TTN: variants seen among roughly 807,000 people sequenced by gnomAD.
TTN encodes the protein titin.
Under a neutral mutation model 3,223.0 loss-of-function variants are expected in TTN, and 1,525 were observed. That is an observed-to-expected ratio of 0.47 (90% CI 0.45 to 0.49). TTN has a LOEUF of 0.49. Among genes scored for constraint, TTN ranks in the 20% least tolerant of loss-of-function variants. The probability of loss-of-function intolerance (pLI) is 0.00; values close to 1 mark genes in which losing one functional copy is unlikely to be tolerated. For synonymous variants in TTN, 14,094 were observed against 15,161.0 expected (o/e 0.93, Z 5.17); for missense variants, 40,786 against 43,424.0 (o/e 0.94, Z 5.40).
rs893428451 is a variant in TTN at position 178,570,942 on chromosome 2, T to C, written c.75190A>G (p.Thr25064Ala). The change falls in exon 326 of 363, where the codon ACT becomes GCT. Residue 25064 changes from threonine (T) to alanine (A), a missense_variant. Transcript: ENST00000589042. ...ACTAGGCCAGTTACTTCAAAATGAGTGTCAATAATATTTGTAAAACTGGCT... is the reference window on the plus strand; with the variant it reads ...ACTAGGCCAGTTACTTCAAAATGAGCGTCAATAATATTTGTAAAACTGGCT... ...MKASFTNIID[T>A]HFEVTGLVED... is the part of the protein sequence containing the mutation. The C allele has an allele frequency of 2.9e-5, 46 of 1,613,366 alleles. No individual in the cohort carries two copies. Among genetic ancestry groups the C allele is most frequent in the Non-Finnish European group, 3.8e-5 (45 of 1,179,614 alleles).
Position 178,747,303 on chromosome 2 carries a change from C to T in TTN, c.11312-5382G>A, listed in dbSNP as rs747590145. On this transcript the variant is annotated intron_variant, in intron 47 of 362. Coordinates refer to ENST00000589042, the MANE Select transcript of TTN (RefSeq NM_001267550.2). ...GTTGAATATCTTTCAGCAACTTCCC[C>T]TAAAGGTGTGGAATATCTTTCAACT... The T allele has an allele frequency of 4.3e-6, 7 of 1,613,174 alleles. No homozygotes were observed. The African/African-American group carries it at 6.7e-5, about 15-fold the overall frequency.
intron 240 of TTN, among the ~76,000 whole-genome samples, chr2:178,626,966 A>C (rs1387593335): frequency 2.0e-5 from 3 of 151,920 alleles, no homozygotes; most frequent in Non-Finnish European, 4.4e-5. Flanking sequence ...TGTTAAAAGA[A>C]AAAAAAGGAA....
Position 178,729,827 on chromosome 2 carries a change from G to A in TTN, c.18426C>T (p.Asp6142=), listed in dbSNP as rs1435792777. The change falls in exon 63 of 363, where the codon GAC becomes GAT. Residue 6142 remains aspartate, a synonymous_variant. Coordinates refer to ENST00000589042, the MANE Select transcript of TTN (RefSeq NM_001267550.2). ...TPKIRVSWYL[D]GNEITAIQKH... The stretch of plus-strand genomic sequence containing the variant: ...TCTGAATGGCTGTTATTTCATTCCC[G>A]TCTAGATACCAAGACACTCGGATTT... The A allele has an allele frequency of 1.6e-5, 26 of 1,613,508 alleles. No homozygotes were observed. Among genetic ancestry groups the A allele is most frequent in the Admixed American group, 3.3e-5 (2 of 59,944 alleles).
intron 33 of TTN, among the ~76,000 whole-genome samples, chr2:178,772,509 A>G (rs1453205738): frequency 6.6e-6 from 1 of 152,174 alleles, no homozygotes. Context: ...CTACTGAATG[A>G]TGGTCTTATT....
rs1333673802 is a variant in TTN, at chr2:178,672,531, TA to T, written c.34856-51del. 2.5e-6 allele frequency: 4 copies of T among 1,603,180 alleles called. 1 individual carries two copies. The African/African-American group carries it at 5.4e-5, about 21-fold the overall frequency. On this transcript the variant is annotated intron_variant, in intron 153 of 362. Transcript: ENST00000589042. ...TAGGACTGTCGAGAGCAAGCTTTCA[TA>T]GACAAAAATCATCAAAAACAATCAA...
chr2:178,719,527 T>C (rs1298543639), intron 82 of TTN, 27 bp downstream of exon 82: 15 of 1,590,610 alleles, frequency 9.4e-6, no homozygotes, highest in Non-Finnish European at 1.2e-5. Flanking sequence ...AAATATTGTA[T>C]ATTCATAAAA....
At chr2:178,650,388 CTCT>C (rs1275649657) in intron 209 of TTN, 117 bp from the exon 210 acceptor site, 1 of 1,009,050 alleles carries the variant, frequency 9.9e-7, no homozygotes, top group Non-Finnish European at 1.4e-6. Context: ...TTGATACCTT[CTCT>C]TATTTTTGTT....
Position 178,652,933 on chromosome 2 carries a change from T to G in TTN, c.38876-2A>C, listed in dbSNP as rs1185989004. 9 of 1,604,030 alleles carry G rather than the reference T, an allele frequency of 5.6e-6. No individual in the cohort carries two copies. In the East Asian group the frequency reaches 1.8e-4, roughly 32 times the overall value. Reference sequence around the variant, plus strand: ...CAACCTCTATGGGAGCCTCTGGCACTTAAAAGATATTAGTGAAATTACATT... The same window carrying G: ...CAACCTCTATGGGAGCCTCTGGCACGTAAAAGATATTAGTGAAATTACATT... On this transcript the variant is annotated splice_acceptor_variant, in intron 199 of 362. Transcript: ENST00000589042. LOFTEE classifies it high-confidence loss of function.
At chr2:178,551,295 C>T (rs763939419) in intron 335 of TTN, 35 bp from the exon 336 acceptor site, 4 of 1,560,106 alleles carry the variant, frequency 2.6e-6, no homozygotes, top group Middle Eastern at 1.7e-4. Flanking sequence ...TGCATCATTA[C>T]ATTTGTAACC....
intron 2 of TTN, 34 bp downstream of exon 2, chr2:178,804,517 GA>G (rs200033767): frequency 1.1e-5 from 17 of 1,550,756 alleles, no homozygotes; most frequent in East Asian, 4.6e-5. Context: ...GGAGGCAAAG[GA>G]AAAAAAAACA....
At chr2:178,632,883 A>G in intron 234 of TTN, 35 bp downstream of exon 234, 1 of 1,611,410 alleles carries the variant, frequency 6.2e-7, no homozygotes, top group South Asian at 1.1e-5. Context: ...TCTTGCAGAG[A>G]AAATACAAAA....
chr2:178,749,498 T>G, intron 47 of TTN: 1 of 1,612,874 alleles, frequency 6.2e-7, no homozygotes, highest in Non-Finnish European at 8.5e-7. Context: ...TGAATATTCT[T>G]TTACATTTGT....
At position 178,652,552 on chromosome 2, in the gene TTN, A is replaced by G; in HGVS notation, c.39044-11T>C. 6.2e-7 allele frequency: 1 copy of G among 1,613,072 alleles called. No individual in the cohort carries two copies. The highest frequency in any genetic ancestry group is 8.5e-7 in the Non-Finnish European group (1 of 1,179,502). On this transcript the variant is annotated splice_polypyrimidine_tract_variant and intron_variant, in intron 201 of 362. Transcript: ENST00000589042. Reference sequence around the variant, plus strand: ...TCGGAGCCTCTGGCACTTAAAAGATATTAGTGAAATTACATTTAGAAGTTA... The same window carrying G: ...TCGGAGCCTCTGGCACTTAAAAGATGTTAGTGAAATTACATTTAGAAGTTA...
chr2:178,570,736 A>G lies in TTN; in HGVS notation c.75396T>C (p.Asp25132=). Residue 25132 remains aspartate (D), a synonymous_variant, in exon 326 of 363, where the codon GAT becomes GAC. Transcript: ENST00000589042. The part of the protein sequence containing the change: ...VVHAGESFKV[D]ADIYGKPIPT... ...GTATTGGTTTGCCATAAATATCTGCATCAACCTTGAATGATTCACCAGCAT... is the reference window on the plus strand; with the variant it reads ...GTATTGGTTTGCCATAAATATCTGCGTCAACCTTGAATGATTCACCAGCAT... 6.2e-7 allele frequency: 1 copy of G among 1,613,604 alleles called. No homozygotes were observed. Among genetic ancestry groups the G allele is most frequent in the Non-Finnish European group, 8.5e-7 (1 of 1,179,630 alleles).
rs1371610759 is a variant in TTN at position 178,776,539 on chromosome 2, A to G, written c.5325T>C (p.Ile1775=). 2 of 1,611,262 alleles carry G rather than the reference A, an allele frequency of 1.2e-6. No individual in the cohort carries two copies. Among genetic ancestry groups the G allele is most frequent in the Admixed American group, 1.7e-5 (1 of 60,014 alleles). ...GVAYSRDSGI[I]TCRATNKYGT... ...CATATTTGTTAGTGGCTCTGCAAGT[A>G]ATGATACCACTGTCTCTAGAATATG... Residue 1775 remains isoleucine, a synonymous_variant, in exon 28 of 363, where the codon ATT becomes ATC. Coordinates refer to ENST00000589042, the MANE Select transcript of TTN (RefSeq NM_001267550.2).
rs2154129767 is a variant in TTN at position 178,527,029 on chromosome 2, G to T, written c.107959C>A (p.His35987Asn). ...FGSDSATVNI[H>N]IRSI is the part of the protein sequence containing the mutation. ...AGGCCCTCTTAAATGGATCGAATAT[G>T]TATATTCACAGTGGCAGAGTCAGAT... Residue 35987 changes from histidine to asparagine, a missense_variant, in exon 363 of 363, where the codon CAT becomes AAT. By Grantham distance (68) the His-to-Asn change is moderately conservative. Coordinates refer to ENST00000589042, the MANE Select transcript of TTN (RefSeq NM_001267550.2). 2.5e-6 allele frequency: 4 copies of T among 1,613,280 alleles called. No homozygotes were observed. The highest frequency in any genetic ancestry group is 3.4e-6 in the Non-Finnish European group (4 of 1,179,520).
chr2:178,685,671 C>T (rs1217857217), intron 127 of TTN, 73 bp from the exon 128 acceptor site: 6 of 1,440,338 alleles, frequency 4.2e-6, no homozygotes, highest in Non-Finnish European at 5.7e-6. Flanking sequence ...TAATTTATCA[C>T]TTCAAAGAGT....
At position 178,577,289 on chromosome 2, in the gene TTN, C is replaced by T. The variant is rs774004059; in HGVS notation, c.69046G>A (p.Gly23016Ser). 1 of 1,612,638 alleles carries T rather than the reference C, an allele frequency of 6.2e-7. No individual in the cohort carries two copies. The change falls in exon 324 of 363, where the codon GGT becomes AGT. Residue 23016 changes from glycine (G) to serine (S), a missense_variant. By Grantham distance (56) the Gly-to-Ser change is moderately conservative (BLOSUM62 0). Transcript: ENST00000589042. ...TTGGTAGCAGTGATGGTATATTCACCCGCATCTTTTCTAGTGGCATACTTG... is the reference window on the plus strand; with the variant it reads ...TTGGTAGCAGTGATGGTATATTCACTCGCATCTTTTCTAGTGGCATACTTG... ...TIKYATRKDA[G>S]EYTITATNPF...
chr2:178,772,981 G>T, intron 33 of TTN, 128 bp downstream of exon 33: 1 of 1,213,556 alleles, frequency 8.2e-7, no homozygotes, highest in Non-Finnish European at 1.2e-6. Context: ...AAGTACTATT[G>T]GCTTTGGGAA....
Sources: allele counts gnomAD v4.1 joint callset (sites outside exome capture counted in the v4.1 genomes callset), GRCh38; gene constraint gnomAD v4.1.1; transcripts MANE v1.5; gene names NCBI Gene and HGNC (gene_info 2026-07-23, HGNC 2026-07-21).